PFKFB3: variants seen among roughly 807,000 people sequenced by gnomAD.
PFKFB3 encodes 6-phosphofructo-2-kinase/fructose-2,6-biphosphatase 3.
Under a neutral mutation model 68.0 loss-of-function variants are expected in PFKFB3, and 33 were observed. That is an observed-to-expected ratio of 0.49 (90% CI 0.37 to 0.65). PFKFB3 has a LOEUF of 0.65. PFKFB3 is among the 30% of genes least tolerant of loss of function. The probability of loss-of-function intolerance (pLI) is 0.00; values close to 1 mark genes in which losing one functional copy is unlikely to be tolerated. For missense variants in PFKFB3, 586 were observed against 712.2 expected (o/e 0.82, Z 2.02); for synonymous variants, 315 against 288.2 (o/e 1.09, Z -0.94).
chr10:6,231,408 T>C, intron 14 of PFKFB3: 1 of 1,585,076 alleles, frequency 6.3e-7, no homozygotes, highest in South Asian at 1.1e-5. Flanking sequence ...GGGGCTCATC[T>C]GTCTCCATGC....
At chr10:6,304,614 A>C in the PFKFB3 span, among the ~76,000 whole-genome samples, 2 of 149,092 alleles carry the variant, frequency 1.3e-5, no homozygotes, top group Admixed American at 6.8e-5. Flanking sequence ...GCCCTCCTCG[A>C]CCTCCCAAAG....
intron 1 of PFKFB3, among the ~76,000 whole-genome samples, chr10:6,170,905 G>C (rs1304931733): frequency 6.6e-6 from 1 of 151,988 alleles, no homozygotes; most frequent in Non-Finnish European, 1.5e-5. Context: ...GAAGATGACA[G>C]GTCCCCAGGG....
chr10:6,182,546 G>A (rs994958100), intron 1 of PFKFB3, among the ~76,000 whole-genome samples: 1 of 152,202 alleles, frequency 6.6e-6, no homozygotes, highest in Non-Finnish European at 1.5e-5. Flanking sequence ...AGGTCTCCAC[G>A]CCAGCACTGT....
chr10:6,204,253 C>T (rs1397055746), intron 1 of PFKFB3, among the ~76,000 whole-genome samples: 1 of 152,266 alleles, frequency 6.6e-6, no homozygotes, highest in East Asian at 1.9e-4. Flanking sequence ...AGGTAATGCG[C>T]CCCGGCTCCC....
chr10:6,164,448 A>G (rs1416899975), intron 1 of PFKFB3, among the ~76,000 whole-genome samples: 3 of 152,214 alleles, frequency 2.0e-5, no homozygotes. Context: ...AGGACTGGGC[A>G]CACTTGACCC....
In PFKFB3 at chr10:6,222,812, C is replaced by G. The variant is rs748828327; in HGVS notation, c.1084-43C>G. 12 of 1,576,238 alleles carry G rather than the reference C, an allele frequency of 7.6e-6. 1 individual carries two copies. In the South Asian group the frequency reaches 1.3e-4, roughly 17 times the overall value. On this transcript the variant is annotated intron_variant, in intron 10 of 14. Coordinates refer to ENST00000379775, the MANE Select transcript of PFKFB3 (RefSeq NM_004566.4). ...TCTGTGGCCAGCGGCAGAGCCCCTCCCGAGTGCCCTGAGCTCACGTGGGCC... is the reference window on the plus strand; with the variant it reads ...TCTGTGGCCAGCGGCAGAGCCCCTCGCGAGTGCCCTGAGCTCACGTGGGCC...
chr10:6,229,210 A>C lies in PFKFB3; in HGVS notation c.1515+2845A>C, dbSNP rs1392647497. 2.8e-5 allele frequency: 14 copies of C among 492,376 alleles called. No individual in the cohort carries two copies. The East Asian group carries it at 8.6e-4, about 30-fold the overall frequency. The allele number at this position is 492,376 out of a possible 1,614,324, so 30.5% of individuals were successfully genotyped here. On this transcript the variant is annotated intron_variant, in intron 14 of 14. Transcript: ENST00000379775. The surrounding 1 kb of genome is among the most constrained non-coding windows in gnomAD (Gnocchi z 4.3). The stretch of plus-strand genomic sequence containing the variant: ...GGCATGGCGCTCAGATTTTGGTGGC[A>C]AAGGGGTGAAGGGCCAGAGGATGTA...
the PFKFB3 span, among the ~76,000 whole-genome samples, chr10:6,300,721 C>T: frequency 2.0e-5 from 3 of 152,258 alleles, no homozygotes; most frequent in East Asian, 1.9e-4. Flanking sequence ...CGCGAGGCAC[C>T]GTGGAAGTCC....
intron 1 of PFKFB3, among the ~76,000 whole-genome samples, chr10:6,145,940 T>A (rs182539579): frequency 2.0e-5 from 3 of 152,218 alleles, no homozygotes; most frequent in Admixed American, 2.0e-4. Flanking sequence ...CCCTCTCAGC[T>A]CAAAGACCCG....
At chr10:6,258,420 G>C (rs1846510976), downstream of PFKFB3, among the ~76,000 whole-genome samples, 1 of 152,248 alleles carries the variant, frequency 6.6e-6, no homozygotes, top group South Asian at 2.1e-4. Context: ...TGCCTGTGCA[G>C]TTAATGGGCT....
chr10:6,275,479 T>C, the PFKFB3 span, among the ~76,000 whole-genome samples: 1 of 152,252 alleles, frequency 6.6e-6, no homozygotes, highest in African/African-American at 2.4e-5. The surrounding 1 kb of genome is among the most constrained non-coding windows in gnomAD (Gnocchi z 4.9). Flanking sequence ...GTCAGGCCTC[T>C]GCCGGTGACT....
chr10:6,319,072 C>T, the PFKFB3 span, among the ~76,000 whole-genome samples: 1 of 152,114 alleles, frequency 6.6e-6, no homozygotes, highest in Non-Finnish European at 1.5e-5. Context: ...TCTAAAAGTG[C>T]CTTATCTGTT....
intron 1 of PFKFB3, among the ~76,000 whole-genome samples, chr10:6,162,034 C>A (rs997713916): frequency 1.2e-4 from 19 of 152,292 alleles, no homozygotes; most frequent in African/African-American, 4.6e-4. Context: ...ACCCATTAAA[C>A]AATAACTCTC....
At chr10:6,286,333 G>A in the PFKFB3 span, among the ~76,000 whole-genome samples, 1 of 151,640 alleles carries the variant, frequency 6.6e-6, no homozygotes, top group African/African-American at 2.4e-5. Context: ...GCAACATATA[G>A]CTGGGTCTTG....
chr10:6,213,808 G>T lies in PFKFB3; in HGVS notation c.202+60G>T, dbSNP rs1388294431. 1.4e-5 allele frequency: 22 copies of T among 1,577,198 alleles called. No homozygotes were observed. The African/African-American group carries it at 2.8e-4, about 20-fold the overall frequency. On this transcript the variant is annotated intron_variant, in intron 2 of 14. Coordinates refer to ENST00000379775, the MANE Select transcript of PFKFB3 (RefSeq NM_004566.4). ...TGCAAAAACTTGACCTTCCATCTCA[G>T]TTGCTGGTTTCACAGGCAGGACCAC... is the stretch of plus-strand genomic sequence containing the variant.
chr10:6,177,927 G>A (rs943701203), intron 1 of PFKFB3, among the ~76,000 whole-genome samples: 13 of 152,164 alleles, frequency 8.5e-5, no homozygotes, highest in Admixed American at 7.9e-4. Flanking sequence ...GATACCTGAG[G>A]TGGGCACGTG....
chr10:6,254,502 T>C, exon 15 of PFKFB3: 3 of 397,390 alleles, frequency 7.5e-6, no homozygotes, highest in East Asian at 7.1e-5. Flanking sequence ...CAATGGATGA[T>C]GGGTAGTTTA....
chr10:6,244,154 A>C (rs7912007), intron 14 of PFKFB3, among the ~76,000 whole-genome samples: 74,252 of 151,758 alleles, frequency 0.49, 18,722 homozygotes, highest in African/African-American at 0.58. Context: ...CTGCACCTGA[A>C]GCTGGTGTCA....
the PFKFB3 span, chr10:6,277,719 T>C: frequency 2.5e-6 from 1 of 401,080 alleles, no homozygotes; most frequent in Non-Finnish European, 5.0e-6. Flanking sequence ...CCCTAGAAGC[T>C]GAGCAGATGC....
Sources: gnomAD v4.1 joint callset for allele counts (sites outside exome capture counted in the v4.1 genomes callset) on GRCh38, gnomAD v4.1.1 for gene constraint, Gnocchi (gnomAD v3.1) non-coding constraint, MANE v1.5 for transcripts, NCBI Gene and HGNC (gene_info 2026-07-23, HGNC 2026-07-21) for gene names.